The following AGBL3 variants were observed in gnomAD, a reference collection of about 807,000 sequenced individuals.
The protein encoded by AGBL3 is AGBL carboxypeptidase 3, also known as cytosolic carboxypeptidase 3.
A neutral mutation model predicts 94.5 loss-of-function variants in AGBL3; 68 were observed. The observed-to-expected ratio is 0.72, with a 90% CI of 0.59 to 0.88. The LOEUF (loss-of-function observed/expected upper bound fraction) is 0.88, where lower values mean the gene tolerates loss of function less well. Among genes scored for constraint, AGBL3 ranks in the 40% least tolerant of loss-of-function variants. AGBL3 has a pLI of 0.00. For missense variants in AGBL3, 934 were observed against 1,103.8 expected (o/e 0.85, Z 2.18); for synonymous variants, 354 against 370.7 (o/e 0.95, Z 0.52).
intron 11 of AGBL3, among the ~76,000 whole-genome samples, chr7:135,047,643 T>C (rs1817494196): frequency 6.6e-6 from 1 of 152,100 alleles, no homozygotes; most frequent in African/African-American, 2.4e-5. Context: ...CACTTTTTCA[T>C]ATACCTGTTG....
At chr7:135,133,067 GCACACACACACA>G (rs55861736) in intron 16 of AGBL3, among the ~76,000 whole-genome samples, 121 of 150,316 alleles carry the variant, frequency 8.0e-4, no homozygotes, top group African/African-American at 2.0e-3. Context: ...ACGCATGCGT[GCACACACACACA>G]CACACACACA....
intron 3 of AGBL3, among the ~76,000 whole-genome samples, chr7:134,989,904 G>C (rs756997115): frequency 6.6e-6 from 1 of 151,570 alleles, no homozygotes; most frequent in Non-Finnish European, 1.5e-5. Flanking sequence ...TCTTAGTTTG[G>C]TGTGTATCAT....
At chr7:135,023,557 G>A (rs914057698) in intron 5 of AGBL3, among the ~76,000 whole-genome samples, 9 of 152,122 alleles carry the variant, frequency 5.9e-5, no homozygotes, top group Admixed American at 2.6e-4. Flanking sequence ...CAGAGCTTTC[G>A]CCTGCATGGA....
intron 16 of AGBL3, chr7:135,129,231 C>G (rs1051343576): frequency 1.4e-6 from 2 of 1,465,700 alleles, no homozygotes; most frequent in Middle Eastern, 1.7e-4. Flanking sequence ...GATGCAGGAG[C>G]CTGGCTACAT....
chr7:135,084,018 C>A (rs1258927657), intron 15 of AGBL3, among the ~76,000 whole-genome samples: 1 of 152,092 alleles, frequency 6.6e-6, no homozygotes, highest in Non-Finnish European at 1.5e-5. Flanking sequence ...TGGGGCCCAG[C>A]CCATCCAACC....
At chr7:135,107,838 G>T (rs1824979787) in intron 15 of AGBL3, among the ~76,000 whole-genome samples, 1 of 152,086 alleles carries the variant, frequency 6.6e-6, no homozygotes, top group Non-Finnish European at 1.5e-5. Context: ...ATTTTGTGTG[G>T]GAATCTAAGT....
chr7:135,076,803 G>A (rs35118183), intron 13 of AGBL3, among the ~76,000 whole-genome samples: 66,307 of 151,358 alleles, frequency 0.44, 15,121 homozygotes, highest in East Asian at 0.77. Context: ...TAAAAACAGT[G>A]GTACTGAAAC....
At chr7:135,053,603 G>A (rs540280608) in intron 11 of AGBL3, among the ~76,000 whole-genome samples, 26 of 150,658 alleles carry the variant, frequency 1.7e-4, no homozygotes, top group Admixed American at 2.6e-4. Context: ...GCAAAACTCC[G>A]TCTCAAAAAA....
chr7:135,005,308 A>C (rs1455580246), intron 4 of AGBL3, among the ~76,000 whole-genome samples: 1 of 151,756 alleles, frequency 6.6e-6, no homozygotes, highest in Non-Finnish European at 1.5e-5. Flanking sequence ...AAATTTAACA[A>C]ATGCATACAT....
At chr7:134,991,067 G>C (rs1002467009) in intron 3 of AGBL3, among the ~76,000 whole-genome samples, 3 of 152,116 alleles carry the variant, frequency 2.0e-5, no homozygotes, top group African/African-American at 7.2e-5. Flanking sequence ...CCATGCCAGT[G>C]TAGTTCAGGG....
chr7:135,054,697 AAT>A (rs1478937312), intron 11 of AGBL3, among the ~76,000 whole-genome samples: 2 of 152,232 alleles, frequency 1.3e-5, no homozygotes, highest in East Asian at 1.9e-4. Context: ...TAAAAACATA[AAT>A]ATGTGTGTAT....
intron 8 of AGBL3, among the ~76,000 whole-genome samples, chr7:135,042,270 A>C (rs1816928769): frequency 6.6e-6 from 1 of 152,208 alleles, no homozygotes; most frequent in Non-Finnish European, 1.5e-5. Context: ...CAAACAACCC[A>C]AAATGTCCTT....
At chr7:135,024,814 G>GA (rs1814909093) in intron 5 of AGBL3, among the ~76,000 whole-genome samples, 1 of 151,842 alleles carries the variant, frequency 6.6e-6, no homozygotes, top group Non-Finnish European at 1.5e-5. Flanking sequence ...TGCTGGAATT[G>GA]AAAAATTCAC....
chr7:135,126,814 A>G (rs1342070657), intron 16 of AGBL3, among the ~76,000 whole-genome samples: 1 of 152,230 alleles, frequency 6.6e-6, no homozygotes. Context: ...CTGGCTAGCC[A>G]TGTGCAGAAA....
At chr7:134,993,381 TGA>T in intron 3 of AGBL3, 110 bp from the exon 4 acceptor site, 1 of 843,938 alleles carries the variant, frequency 1.2e-6, no homozygotes, top group African/African-American at 1.7e-5. Flanking sequence ...ACATTTATAA[TGA>T]TACCCACACA....
At chr7:135,108,182 C>T (rs917718641) in intron 15 of AGBL3, among the ~76,000 whole-genome samples, 4 of 152,068 alleles carry the variant, frequency 2.6e-5, no homozygotes, top group Admixed American at 2.6e-4. Flanking sequence ...CCACTCTGTA[C>T]CTTTTAAATG....
chr7:135,111,228 A>G (rs912191425), intron 15 of AGBL3, among the ~76,000 whole-genome samples: 3 of 152,182 alleles, frequency 2.0e-5, no homozygotes, highest in African/African-American at 7.2e-5. Context: ...AGTGCTCTAG[A>G]TCCCATGTCC....
At chr7:135,093,518 A>C (rs1822180531) in intron 15 of AGBL3, 1 of 152,236 alleles carries the variant, frequency 6.6e-6, no homozygotes, top group South Asian at 2.1e-4. Context: ...ATTAGCATCA[A>C]AAAGAACAAA....
rs186691390 is a variant in AGBL3, at chr7:135,031,490, C to G, written c.419-1354C>G. Among the ~76,000 whole-genome samples, 43 of 152,128 alleles carry G rather than the reference C, an allele frequency of 2.8e-4. 1 individual carries two copies. The highest frequency in any genetic ancestry group is 9.4e-4 in the African/African-American group (39 of 41,404). On this transcript the variant is annotated intron_variant, in intron 5 of 16. Transcript: ENST00000436302. ...GCCAGGTTGGTCTCAAACTCTTGAC[C>G]TCATGATCCACCTTCCTCAGCCTCC...
Sources: allele counts gnomAD v4.1 joint callset (sites outside exome capture counted in the v4.1 genomes callset), GRCh38; gene constraint gnomAD v4.1.1; transcripts MANE v1.5; gene names NCBI Gene and HGNC (gene_info 2026-07-23, HGNC 2026-07-21).